PRSS38: variants seen among roughly 807,000 people sequenced by gnomAD.
PRSS38 encodes the protein serine protease 38, also known as marapsin 2.
In PRSS38, 22 loss-of-function variants were observed where a neutral mutation model predicts 26.8. The observed-to-expected ratio is 0.82, with a 90% CI of 0.59 to 1.17. The LOEUF (loss-of-function observed/expected upper bound fraction) is 1.17, where lower values mean the gene tolerates loss of function less well. PRSS38 is among the 50% of genes most tolerant of loss of function. The pLI, the probability that PRSS38 is intolerant of heterozygous loss-of-function variation, is 0.00. For synonymous variants in PRSS38, 175 were observed against 172.1 expected (o/e 1.02, Z -0.13); for missense variants, 427 against 422.7 (o/e 1.01, Z -0.09).
chr1:227,822,226 A>G (rs1478492939), intron 3 of PRSS38, among the ~76,000 whole-genome samples: 3 of 151,838 alleles, frequency 2.0e-5, no homozygotes, highest in Non-Finnish European at 4.4e-5. Context: ...TTGTTCATAT[A>G]TTATTTTCCT....
Position 227,817,397 on chromosome 1 carries a change from T to TC in PRSS38, c.503dup (p.Val169GlyfsTer28). 2 of 1,614,174 alleles carry TC rather than the reference T, an allele frequency of 1.2e-6. No individual in the cohort carries two copies. The highest frequency in any genetic ancestry group is 1.7e-6 in the Non-Finnish European group (2 of 1,180,032). The stretch of plus-strand genomic sequence containing the variant: ...CGCATTGTGTTTTCTGAGTCCGTGC[T>TC]CCCGGTTTGCCTTGCAACTCCAGAA... On this transcript the variant is annotated frameshift_variant, in exon 3 of 5. Transcript: ENST00000366757. LOFTEE classifies it high-confidence loss of function.
chr1:227,824,192 T>C (rs183294739), intron 3 of PRSS38, among the ~76,000 whole-genome samples: 49 of 152,246 alleles, frequency 3.2e-4, no homozygotes, highest in Non-Finnish European at 5.4e-4. Flanking sequence ...CCAGCATCCA[T>C]TAGCTGTTCT....
At position 227,824,801 on chromosome 1, in the gene PRSS38, T is replaced by G. The variant is rs1355113445; in HGVS notation, c.583+7321T>G. On this transcript the variant is annotated intron_variant, in intron 3 of 4. Coordinates refer to ENST00000366757, the Ensembl canonical transcript of PRSS38. ...GATGGTATCTCATTGTGGTTTTGACTTGCATTTCTCTAATGATCAGTGATG... is the reference window on the plus strand; with the variant it reads ...GATGGTATCTCATTGTGGTTTTGACGTGCATTTCTCTAATGATCAGTGATG... Among the ~76,000 whole-genome samples, 3 of 152,214 alleles carry G rather than the reference T, an allele frequency of 2.0e-5. No homozygotes were observed. In the East Asian group the frequency reaches 5.8e-4, roughly 29 times the overall value.
chr1:227,817,499 G>A lies in PRSS38; in HGVS notation c.583+19G>A. On this transcript the variant is annotated intron_variant, in intron 3 of 4. Transcript: ENST00000366757. ...AAACAAGGTAGGAATACAGTGCAGG[G>A]CTTTGTGGGCAGGATGAAGGCTTCT... is the stretch of plus-strand genomic sequence containing the variant. The A allele has an allele frequency of 1.2e-6, 2 of 1,609,966 alleles. No homozygotes were observed. Among genetic ancestry groups the A allele is most frequent in the Non-Finnish European group, 1.7e-6 (2 of 1,176,644 alleles).
intron 3 of PRSS38, among the ~76,000 whole-genome samples, chr1:227,840,027 C>T (rs1400934710): frequency 1.3e-5 from 2 of 152,220 alleles, no homozygotes; most frequent in African/African-American, 4.8e-5. Context: ...ACCGCAGCCC[C>T]TGTCTTACAG....
rs1322113246 is a variant in PRSS38, at chr1:227,838,208, A to G, written c.584-7262A>G. Among the ~76,000 whole-genome samples the G allele has an allele frequency of 5.3e-5, 8 of 152,374 alleles. No homozygotes were observed. In the South Asian group the frequency reaches 1.7e-3, roughly 32 times the overall value. On this transcript the variant is annotated intron_variant, in intron 3 of 4. Coordinates refer to ENST00000366757, the Ensembl canonical transcript of PRSS38. ...TTGCCTATTGTAAGTTTACAAAGAT[A>G]ATTTTCAACATCTATTCTAGAAGCG...
At chr1:227,833,884 C>T (rs955648859) in intron 3 of PRSS38, among the ~76,000 whole-genome samples, 7 of 152,110 alleles carry the variant, frequency 4.6e-5, no homozygotes, top group African/African-American at 1.7e-4. Context: ...ATTATGTCCC[C>T]CAAAAGATAT....
rs1293513218 is a variant in PRSS38, at chr1:227,836,686, CA to C, written c.584-8769del. Among the ~76,000 whole-genome samples the C allele has an allele frequency of 1.5e-4, 20 of 133,246 alleles. 3 individuals are homozygous for C. The highest frequency in any genetic ancestry group is 4.7e-4 in the East Asian group (2 of 4,254). The allele number at this position is 133,246 out of a possible 152,430, so 87.4% of individuals were successfully genotyped here. A position where few individuals can be genotyped will look rare whatever the true frequency, so the allele number is the denominator to read the frequency against. On this transcript the variant is annotated intron_variant, in intron 3 of 4. Coordinates refer to ENST00000366757, the Ensembl canonical transcript of PRSS38. ...TGGGCGACAGAGCGAGACTCCGTCT[CA>C]AAAAAAAAAAAAAATAAAATAAAAG...
chr1:227,826,854 C>T (rs899992879), intron 3 of PRSS38, among the ~76,000 whole-genome samples: 1 of 152,084 alleles, frequency 6.6e-6, no homozygotes, highest in Non-Finnish European at 1.5e-5. Flanking sequence ...GAGGTCTGTT[C>T]CTTCAACACC....
In PRSS38 at chr1:227,818,675, C is replaced by CAAAAAA. The variant is rs71180764; in HGVS notation, c.583+1214_583+1219dup. Among the ~76,000 whole-genome samples the CAAAAAA allele has an allele frequency of 2.6e-4, 16 of 61,056 alleles. 1 individual carries two copies. The highest frequency in any genetic ancestry group is 9.5e-4 in the African/African-American group (14 of 14,742). 40.1% of individuals were successfully genotyped at this position (61,056 alleles called of 152,430 possible). A position where few individuals can be genotyped will look rare whatever the true frequency, so the allele number is the denominator to read the frequency against. ...CCTGGGCAACAGTGAGACCTTCTCT[C>CAAAAAA]AAAAAAAAAAAAAAAAAAAAAAAAC... On this transcript the variant is annotated intron_variant, in intron 3 of 4. Transcript: ENST00000366757.
At chr1:227,830,434 C>G (rs1391073823) in intron 3 of PRSS38, among the ~76,000 whole-genome samples, 1 of 149,828 alleles carries the variant, frequency 6.7e-6, no homozygotes, top group Non-Finnish European at 1.5e-5. Context: ...TGTCCTATTA[C>G]TTTTACTTTT....
At chr1:227,838,651 A>G (rs1037223498) in intron 3 of PRSS38, among the ~76,000 whole-genome samples, 1 of 152,122 alleles carries the variant, frequency 6.6e-6, no homozygotes, top group Non-Finnish European at 1.5e-5. Flanking sequence ...TCTATTTGTC[A>G]TGGTGCCAGG....
At chr1:227,826,707 C>G (rs1362703461) in intron 3 of PRSS38, among the ~76,000 whole-genome samples, 4 of 151,774 alleles carry the variant, frequency 2.6e-5, no homozygotes, top group African/African-American at 9.7e-5. Context: ...CAGAGTGAAC[C>G]TCCATCTCAA....
In PRSS38 at chr1:227,825,327, G is replaced by C. The variant is rs562959369; in HGVS notation, c.583+7847G>C. Among the ~76,000 whole-genome samples the C allele has an allele frequency of 3.9e-4, 60 of 152,260 alleles. 1 individual carries two copies. In the South Asian group the frequency reaches 0.012, roughly 31 times the overall value. ...CTGCCTCAGCCTCTGGAGTAGCTGG[G>C]ATTACAGGCACATGCCACCACGCCC... On this transcript the variant is annotated intron_variant, in intron 3 of 4. Transcript: ENST00000366757.
At chr1:227,819,044 A>C (rs1295250575) in intron 3 of PRSS38, among the ~76,000 whole-genome samples, 3 of 152,212 alleles carry the variant, frequency 2.0e-5, no homozygotes, top group Non-Finnish European at 4.4e-5. Flanking sequence ...ATATAATGAT[A>C]TTGTGTAAGA....
intron 3 of PRSS38, among the ~76,000 whole-genome samples, chr1:227,824,245 G>C (rs1203117841): frequency 6.6e-6 from 1 of 152,060 alleles, no homozygotes; most frequent in East Asian, 1.9e-4. Context: ...ACAGGCCCCA[G>C]TGTGTGTTGT....
At chr1:227,841,593 A>G (rs1665338897) in intron 3 of PRSS38, among the ~76,000 whole-genome samples, 1 of 152,164 alleles carries the variant, frequency 6.6e-6, no homozygotes. Flanking sequence ...TTTCTTCTAT[A>G]CATTATATTG....
chr1:227,844,417 G>T (rs1371977753), intron 3 of PRSS38, among the ~76,000 whole-genome samples: 1 of 151,452 alleles, frequency 6.6e-6, no homozygotes, highest in South Asian at 2.1e-4. Context: ...GAGTGGTCAG[G>T]GTTCCTCTCT....
At chr1:227,831,594 G>A (rs1465734946) in intron 3 of PRSS38, among the ~76,000 whole-genome samples, 1 of 152,098 alleles carries the variant, frequency 6.6e-6, no homozygotes, top group East Asian at 1.9e-4. Flanking sequence ...CAGTTATTGG[G>A]CCAGGCGCGA....
Sources: allele counts gnomAD v4.1 joint callset (sites outside exome capture counted in the v4.1 genomes callset), GRCh38; gene constraint gnomAD v4.1.1; transcripts MANE v1.5; gene names NCBI Gene and HGNC (gene_info 2026-07-23, HGNC 2026-07-21).